The following AIRE variants were observed in gnomAD, a reference collection of about 807,000 sequenced individuals.
AIRE encodes the protein autoimmune regulator.
Under a neutral mutation model 62.1 loss-of-function variants are expected in AIRE, and 52 were observed. The ratio of observed to expected loss-of-function variants is 0.84; its 90% confidence interval spans 0.67 to 1.06. The LOEUF (loss-of-function observed/expected upper bound fraction) is 1.06, where lower values mean the gene tolerates loss of function less well. Among genes scored for constraint, AIRE ranks in the 50% least tolerant of loss-of-function variants. The pLI is 0.00. For missense variants in AIRE, 774 were observed against 755.8 expected (o/e 1.02, Z -0.28); for synonymous variants, 342 against 321.6 (o/e 1.06, Z -0.68).
intron 13 of AIRE, 72 bp downstream of exon 13, chr21:44,296,517 C>G (rs1370162779): frequency 2.0e-5 from 29 of 1,438,278 alleles, no homozygotes; most frequent in Middle Eastern, 2.0e-4. Flanking sequence ...CCAGGCTCCC[C>G]ACTCTGGGGG....
intron 4 of AIRE, among the ~76,000 whole-genome samples, chr21:44,288,118 A>AC (rs139930470): frequency 0.12 from 18,116 of 151,730 alleles, 2,544 homozygotes; most frequent in East Asian, 0.33. Context: ...TGACACTGCC[A>AC]CCCCCCAGCA....
chr21:44,292,933 C>G (rs2040557466), intron 9 of AIRE, 60 bp from the exon 10 acceptor site: 1 of 1,537,346 alleles, frequency 6.5e-7, no homozygotes, highest in African/African-American at 1.4e-5. Flanking sequence ...CAGTCACTGA[C>G]TCCTGGGTGG....
At position 44,286,144 on chromosome 21, in the gene AIRE, C is replaced by T. The variant is rs1381945304; in HGVS notation, c.132+6C>T. The T allele has an allele frequency of 6.5e-7, 1 of 1,546,080 alleles. No homozygotes were observed. Among genetic ancestry groups the T allele is most frequent in the South Asian group, 1.2e-5 (1 of 83,982 alleles). On this transcript the variant is annotated splice_donor_region_variant and intron_variant, in intron 1 of 13. Coordinates refer to ENST00000291582, the MANE Select transcript of AIRE (RefSeq NM_000383.4). This position sits in a 1 kb window ranked among gnomAD's most constrained non-coding sequence, Gnocchi z 6.0. The stretch of plus-strand genomic sequence containing the variant: ...TCCCCGAGGACAAGTTTCAGGTGGG[C>T]TCCCCGCCCGCCCCCCGCTGCCCCC...
intron 5 of AIRE, 71 bp downstream of exon 5, chr21:44,288,529 C>T: frequency 1.8e-6 from 2 of 1,129,654 alleles, no homozygotes; most frequent in Non-Finnish European, 2.6e-6. Context: ...GGACCACGCC[C>T]CTTTGCATCC....
chr21:44,292,445 C>A, intron 9 of AIRE, 44 bp downstream of exon 9: 1 of 1,360,536 alleles, frequency 7.4e-7, no homozygotes, highest in Non-Finnish European at 1.0e-6. Flanking sequence ...CTCCTGTCCA[C>A]ATGGCCACGC....
chr21:44,294,803 G>A (rs1249627148), intron 12 of AIRE, among the ~76,000 whole-genome samples: 1 of 152,166 alleles, frequency 6.6e-6, no homozygotes, highest in Non-Finnish European at 1.5e-5. Flanking sequence ...GCTCCCTGGT[G>A]GGGTGAAGGG....
intron 12 of AIRE, among the ~76,000 whole-genome samples, chr21:44,295,081 C>T (rs1205751099): frequency 1.3e-5 from 2 of 151,280 alleles, no homozygotes; most frequent in Non-Finnish European, 2.9e-5. Context: ...GCCCGAGTCG[C>T]TGCTGCAGGA....
At chr21:44,289,851 C>T in intron 6 of AIRE, 49 bp downstream of exon 6, 3 of 1,611,158 alleles carry the variant, frequency 1.9e-6, no homozygotes, top group Non-Finnish European at 2.5e-6. Flanking sequence ...TGCCCCCCGC[C>T]CCAGGAACAG....
chr21:44,290,364 G>A (rs2040524174), intron 7 of AIRE: 8 of 985,462 alleles, frequency 8.1e-6, no homozygotes, highest in Non-Finnish European at 9.6e-6. Flanking sequence ...GGGCGCCCCT[G>A]CTATAGCCAG....
At chr21:44,288,670 C>G in intron 5 of AIRE, 1 of 564,992 alleles carries the variant, frequency 1.8e-6, no homozygotes, top group East Asian at 2.9e-5. Flanking sequence ...GGCCAGCGGT[C>G]CAGGCCCACA....
intron 5 of AIRE, 185 bp downstream of exon 5, chr21:44,288,643 C>T (rs1023438054): frequency 2.0e-5 from 12 of 586,864 alleles, no homozygotes; most frequent in East Asian, 2.8e-5. Context: ...GTCTCCCTGT[C>T]GGGGGACCTT....
At chr21:44,288,180 T>C (rs1429074934) in intron 4 of AIRE, among the ~76,000 whole-genome samples, 165 bp from the exon 5 acceptor site, 1 of 152,224 alleles carries the variant, frequency 6.6e-6, no homozygotes, top group Non-Finnish European at 1.5e-5. Context: ...GTCTCTGCAC[T>C]TACCTGTGGG....
In AIRE at chr21:44,298,465, C is replaced by T. The variant is rs2146391181; in HGVS notation, c.*738C>T. 1 of 153,728 alleles carries T rather than the reference C, an allele frequency of 6.5e-6. No individual in the cohort carries two copies. The highest frequency in any genetic ancestry group is 6.4e-5 in the Admixed American group (1 of 15,572). The allele number at this position is 153,728 out of a possible 1,614,324, so 9.5% of individuals were successfully genotyped here. The stretch of plus-strand genomic sequence containing the variant: ...ATGTTGTAGCATGTGCCGAAATCTG[C>T]TTCCTTTTTTAAGGCTGAGTAATAT... On this transcript the variant is annotated 3_prime_UTR_variant, in exon 14 of 14. Coordinates refer to ENST00000291582, the MANE Select transcript of AIRE (RefSeq NM_000383.4).
chr21:44,296,797 A>G (rs917632809), intron 13 of AIRE, among the ~76,000 whole-genome samples: 1 of 147,834 alleles, frequency 6.8e-6, no homozygotes, highest in Admixed American at 6.7e-5. Flanking sequence ...CTCAAGATCC[A>G]CTTTCCCAGG....
intron 13 of AIRE, among the ~76,000 whole-genome samples, chr21:44,296,753 C>T (rs774484567): frequency 5.9e-5 from 9 of 151,298 alleles, no homozygotes; most frequent in Non-Finnish European, 1.0e-4. Context: ...CCCTGAGGGC[C>T]TGCACCCTGG....
At chr21:44,295,489 T>C (rs2040596212) in intron 12 of AIRE, among the ~76,000 whole-genome samples, 3 of 151,988 alleles carry the variant, frequency 2.0e-5, no homozygotes, top group Middle Eastern at 3.2e-3. Context: ...CCATCTGGAG[T>C]CAGGAGCCCA....
chr21:44,292,215 G>A lies in AIRE; in HGVS notation c.996-87G>A, dbSNP rs141827205. The A allele has an allele frequency of 2.0e-4, 217 of 1,060,802 alleles. 1 individual carries two copies. In the East Asian group the frequency reaches 4.1e-3, roughly 20 times the overall value. The allele number at this position is 1,060,802 out of a possible 1,614,324, so 65.7% of individuals were successfully genotyped here. On this transcript the variant is annotated intron_variant, in intron 8 of 13. Transcript: ENST00000291582. ...TCCCCCTCTGTGAAAAGACATGGTCGGAGCCCTGGAGCTCCACCCGTGGGT... is the reference window on the plus strand; with the variant it reads ...TCCCCCTCTGTGAAAAGACATGGTCAGAGCCCTGGAGCTCCACCCGTGGGT...
chr21:44,293,308 T>TG (rs2040563705), intron 10 of AIRE, 133 bp downstream of exon 10: 2 of 79,634 alleles, frequency 2.5e-5, no homozygotes, highest in East Asian at 4.8e-4. Flanking sequence ...CCTGGGGCTG[T>TG]GGGGGGAGCG....
intron 4 of AIRE, among the ~76,000 whole-genome samples, chr21:44,288,055 G>C (rs1190576834): frequency 1.3e-4 from 20 of 152,180 alleles, no homozygotes. Flanking sequence ...CATGTCATGG[G>C]GGGGTGGGTC....
Sources: gnomAD v4.1 joint callset for allele counts (sites outside exome capture counted in the v4.1 genomes callset) on GRCh38, gnomAD v4.1.1 for gene constraint, Gnocchi (gnomAD v3.1) non-coding constraint, MANE v1.5 for transcripts, NCBI Gene and HGNC (gene_info 2026-07-23, HGNC 2026-07-21) for gene names.